Variants in PPP1R16B observed in about 807,000 individuals in gnomAD.
The protein encoded by PPP1R16B is protein phosphatase 1 regulatory inhibitor subunit 16B.
PPP1R16B carries 14 observed loss-of-function variants against 61.7 expected under a neutral mutation model. The ratio of observed to expected loss-of-function variants is 0.23; its 90% CI spans 0.15 to 0.35. The LOEUF (loss-of-function observed/expected upper bound fraction) is 0.35. PPP1R16B is among the 10% of genes least tolerant of loss of function. PPP1R16B has a pLI of 1.00. For synonymous variants in PPP1R16B, 266 were observed against 305.3 expected (o/e 0.87, Z 1.34); for missense variants, 547 against 752.5 (o/e 0.73, Z 3.19).
At chr20:38,910,529 GT>G (rs201312664) in intron 10 of PPP1R16B, among the ~76,000 whole-genome samples, 5 of 145,414 alleles carry the variant, frequency 3.4e-5, no homozygotes, top group Non-Finnish European at 6.0e-5. Flanking sequence ...TATAGCAGTA[GT>G]TTTTTTTTGT....
At chr20:38,885,936 C>T (rs1359492768) in intron 2 of PPP1R16B, among the ~76,000 whole-genome samples, 2 of 152,098 alleles carry the variant, frequency 1.3e-5, no homozygotes, top group African/African-American at 4.8e-5. Flanking sequence ...CCACCACGCC[C>T]AGCTGATTTT....
At chr20:38,810,002 A>G (rs1340864023) in intron 1 of PPP1R16B, among the ~76,000 whole-genome samples, 1 of 151,082 alleles carries the variant, frequency 6.6e-6, no homozygotes, top group Non-Finnish European at 1.5e-5. Context: ...AAAAAAAAAA[A>G]AAAACAAAAC....
At chr20:38,837,479 TA>T (rs1272052623) in intron 2 of PPP1R16B, among the ~76,000 whole-genome samples, 1 of 151,918 alleles carries the variant, frequency 6.6e-6, no homozygotes, top group Non-Finnish European at 1.5e-5. Context: ...AATGAGTAAA[TA>T]AATATAAACA....
Position 38,835,836 on chromosome 20 carries a change from A to G in PPP1R16B, c.-90A>G. The G allele has an allele frequency of 7.2e-7, 1 of 1,383,276 alleles. No individual in the cohort carries two copies. The highest frequency in any genetic ancestry group is 2.6e-4 in the Middle Eastern group (1 of 3,804). 85.7% of individuals were successfully genotyped at this position (1,383,276 alleles called of 1,614,324 possible). ...CCTCCCTGCCACAGGCCACACCATG[A>G]GGCCCCAGCCCCACCAGAGGCCCCG... On this transcript the variant is annotated 5_prime_UTR_variant, in exon 2 of 11. Coordinates refer to ENST00000299824, the MANE Select transcript of PPP1R16B (RefSeq NM_015568.4).
At chr20:38,878,880 T>C (rs542798259) in intron 2 of PPP1R16B, among the ~76,000 whole-genome samples, 1 of 152,292 alleles carries the variant, frequency 6.6e-6, no homozygotes, top group Admixed American at 6.5e-5. Context: ...TCAGGATTGA[T>C]AGCTGGAAGG....
At chr20:38,845,825 C>T (rs867218828) in intron 2 of PPP1R16B, among the ~76,000 whole-genome samples, 12 of 152,264 alleles carry the variant, frequency 7.9e-5, no homozygotes, top group Middle Eastern at 3.4e-3. Context: ...ATTTTGAATT[C>T]GGGATGGATT....
intron 2 of PPP1R16B, among the ~76,000 whole-genome samples, chr20:38,887,628 G>A (rs1293571768): frequency 1.3e-5 from 2 of 152,208 alleles, no homozygotes; most frequent in Non-Finnish European, 2.9e-5. Flanking sequence ...ACTGAGCACA[G>A]CATGCCTGAG....
intron 2 of PPP1R16B, among the ~76,000 whole-genome samples, chr20:38,869,987 G>A (rs1040300989): frequency 4.6e-5 from 7 of 151,620 alleles, no homozygotes; most frequent in Admixed American, 1.3e-4. Flanking sequence ...ACAGTGACGC[G>A]ATCCCAGCTC....
chr20:38,826,886 C>G (rs945957453), intron 1 of PPP1R16B, among the ~76,000 whole-genome samples: 2 of 152,182 alleles, frequency 1.3e-5, no homozygotes, highest in Non-Finnish European at 2.9e-5. Flanking sequence ...ACAGTTTATC[C>G]TCATGCCAGG....
At chr20:38,822,173 G>T (rs1312681976) in intron 1 of PPP1R16B, among the ~76,000 whole-genome samples, 4 of 151,820 alleles carry the variant, frequency 2.6e-5, no homozygotes, top group Non-Finnish European at 1.5e-5. Context: ...TGAACTACTT[G>T]AAGTCTGCCT....
At position 38,890,552 on chromosome 20, in the gene PPP1R16B, T is replaced by C. The variant is rs1019162261; in HGVS notation, c.321+887T>C. Reference sequence around the variant, plus strand: ...TGCTGTGATAGACATACCCTTTGTCTTCTGAAGGCCCTCTTCCTTCGTAAT... The same window carrying C: ...TGCTGTGATAGACATACCCTTTGTCCTCTGAAGGCCCTCTTCCTTCGTAAT... On this transcript the variant is annotated intron_variant, in intron 3 of 10. Transcript: ENST00000299824. 7.9e-5 allele frequency among the ~76,000 whole-genome samples: 12 copies of C among 152,366 alleles called. No homozygotes were observed. The East Asian group carries it at 2.3e-3, about 29-fold the overall frequency.
At chr20:38,882,492 G>A (rs143452675) in intron 2 of PPP1R16B, among the ~76,000 whole-genome samples, 106 of 152,164 alleles carry the variant, frequency 7.0e-4, no homozygotes, top group African/African-American at 2.1e-3. Flanking sequence ...GTGATCCTAC[G>A]GCCTCAGCCT....
At chr20:38,818,737 G>A (rs954885936) in intron 1 of PPP1R16B, among the ~76,000 whole-genome samples, 1 of 151,714 alleles carries the variant, frequency 6.6e-6, no homozygotes, top group African/African-American at 2.4e-5. Context: ...GAGTGTGTAG[G>A]CTTCACTGAT....
rs2085604307 is a variant in PPP1R16B, at chr20:38,922,138, C to G, written c.*3472C>G. ...ACTCTAGGCCCAGGGCTACTAAAGACTTCAGGATAGAATTCTCCATCAAAT... is the reference window on the plus strand; with the variant it reads ...ACTCTAGGCCCAGGGCTACTAAAGAGTTCAGGATAGAATTCTCCATCAAAT... On this transcript the variant is annotated 3_prime_UTR_variant, in exon 11 of 11. Transcript: ENST00000299824. 6.6e-6 allele frequency: 1 copy of G among 152,284 alleles called. No homozygotes were observed. The highest frequency in any genetic ancestry group is 1.5e-5 in the Non-Finnish European group (1 of 68,050). 9.4% of individuals were successfully genotyped at this position (152,284 alleles called of 1,614,324 possible).
rs528901588 is a variant in PPP1R16B, at chr20:38,817,937, G to A, written c.-102+12145G>A. On this transcript the variant is annotated intron_variant, in intron 1 of 10. Coordinates refer to ENST00000299824, the MANE Select transcript of PPP1R16B (RefSeq NM_015568.4). Reference sequence around the variant, plus strand: ...CGGGCACCTGTAGTCCCAGCTGCTCGGGAGGCTGAGGCAGGAGAAAGGCGT... The same window carrying A: ...CGGGCACCTGTAGTCCCAGCTGCTCAGGAGGCTGAGGCAGGAGAAAGGCGT... Among the ~76,000 whole-genome samples, 37 of 152,238 alleles carry A rather than the reference G, an allele frequency of 2.4e-4. No homozygotes were observed. In the South Asian group the frequency reaches 6.8e-3, roughly 28 times the overall value.
chr20:38,807,734 C>T (rs1220956389), intron 1 of PPP1R16B, among the ~76,000 whole-genome samples: 2 of 152,298 alleles, frequency 1.3e-5, no homozygotes, highest in African/African-American at 2.4e-5. Context: ...TCTGTGCCTA[C>T]TTGTCTACTG....
intron 7 of PPP1R16B, among the ~76,000 whole-genome samples, chr20:38,906,298 T>TG (rs1406181373): frequency 9.9e-5 from 10 of 101,302 alleles, no homozygotes; most frequent in Non-Finnish European, 1.8e-4. Context: ...TTTTTTTTTT[T>TG]TTTTTTTTTT....
rs145367321 is a variant in PPP1R16B at position 38,898,811 on chromosome 20, A to AAACAACAACAACAACAAC, written c.468-1752_468-1735dup. Among the ~76,000 whole-genome samples, 560 of 150,204 alleles carry AAACAACAACAACAACAAC rather than the reference A, an allele frequency of 3.7e-3. 4 individuals carry two copies. Among genetic ancestry groups the AAACAACAACAACAACAAC allele is most frequent in the Middle Eastern group, 0.014 (4 of 290 alleles). On this transcript the variant is annotated intron_variant, in intron 4 of 10. Transcript: ENST00000299824. ...GGTGATGGAGCAAGACCTTGTTTCAAAACAACAACAACAACAACAACAACA... is the reference window on the plus strand; with the variant it reads ...GGTGATGGAGCAAGACCTTGTTTCAAAACAACAACAACAACAACAACAACAACAACAACAACAACAACA...
intron 3 of PPP1R16B, among the ~76,000 whole-genome samples, chr20:38,890,915 C>G (rs1241103008): frequency 6.6e-6 from 1 of 152,168 alleles, no homozygotes; most frequent in Non-Finnish European, 1.5e-5. Flanking sequence ...AGGGGCAGGT[C>G]CCTGTGTGTC....
Sources: gnomAD v4.1 joint callset for allele counts (sites outside exome capture counted in the v4.1 genomes callset) on GRCh38, gnomAD v4.1.1 for gene constraint, MANE v1.5 for transcripts, NCBI Gene and HGNC (gene_info 2026-07-23, HGNC 2026-07-21) for gene names.